The following PCDHGA5 variants were observed in gnomAD, a reference collection of about 807,000 sequenced individuals.
The protein encoded by PCDHGA5 is protocadherin gamma-A5.
PCDHGA5 carries 36 observed loss-of-function variants against 56.7 expected under a neutral mutation model. The ratio of observed to expected loss-of-function variants is 0.64; its 90% CI spans 0.49 to 0.84. PCDHGA5 has a LOEUF of 0.84. Among genes scored for constraint, PCDHGA5 ranks in the 40% least tolerant of loss-of-function variants. The pLI is 0.00. For missense variants in PCDHGA5, 1,305 were observed against 1,201.5 expected, an observed-to-expected ratio of 1.09 and a Z score of -1.27; for synonymous variants, 563 against 520.2, an observed-to-expected ratio of 1.08 and a Z score of -1.12.
chr5:141,434,449 G>C (rs1392115883), intron 1 of PCDHGA5, among the ~76,000 whole-genome samples: 1 of 152,232 alleles, frequency 6.6e-6, no homozygotes, highest in Non-Finnish European at 1.5e-5. Context: ...ATGCTGGAAG[G>C]TAGTGGGTTT....
At position 141,366,768 on chromosome 5, in the gene PCDHGA5, G is replaced by A. The variant is rs903318821; in HGVS notation, c.2421+17G>A. ...CGAGTTCAGGTTAGTTTTCTCTTTC[G>A]GTAAGGATGACCAGAACATTTTCAT... On this transcript the variant is annotated intron_variant, in intron 1 of 3. Transcript: ENST00000518069. 1.6e-5 allele frequency: 26 copies of A among 1,601,610 alleles called. No individual in the cohort carries two copies. The highest frequency in any genetic ancestry group is 2.0e-5 in the Non-Finnish European group (24 of 1,171,760).
chr5:141,382,110 G>A (rs1480214134), intron 1 of PCDHGA5, among the ~76,000 whole-genome samples: 1 of 151,982 alleles, frequency 6.6e-6, no homozygotes, highest in Non-Finnish European at 1.5e-5. Context: ...TTACAGGCGT[G>A]AGCAACAGCA....
At position 141,486,368 on chromosome 5, in the gene PCDHGA5, T is replaced by C. The variant is rs1217513529; in HGVS notation, c.2422-8439T>C. 6.2e-7 allele frequency: 1 copy of C among 1,614,014 alleles called. No homozygotes were observed. Among genetic ancestry groups the C allele is most frequent in the Non-Finnish European group, 8.5e-7 (1 of 1,180,000 alleles). On this transcript the variant is annotated intron_variant, in intron 1 of 3. Coordinates refer to ENST00000518069, the MANE Select transcript of PCDHGA5 (RefSeq NM_018918.3). This position sits in a 1 kb window ranked among gnomAD's most constrained non-coding sequence, Gnocchi z 5.0. ...TGACCACTTGCCATTTGCCCTCAAGTCTGCCTTCAGGAACCAGTTCTCCCT... is the reference window on the plus strand; with the variant it reads ...TGACCACTTGCCATTTGCCCTCAAGCCTGCCTTCAGGAACCAGTTCTCCCT...
At chr5:141,421,229 T>C (rs776952658) in intron 1 of PCDHGA5, 3 of 1,589,662 alleles carry the variant, frequency 1.9e-6, no homozygotes, top group South Asian at 1.1e-5. Flanking sequence ...GAGCCTGCCA[T>C]GGCGAATCGG....
At chr5:141,483,555 C>CAG (rs1415499107) in intron 1 of PCDHGA5, among the ~76,000 whole-genome samples, 2 of 152,152 alleles carry the variant, frequency 1.3e-5, no homozygotes, top group African/African-American at 4.8e-5. Flanking sequence ...GTGCCATTCA[C>CAG]AGAGACAGTG....
At chr5:141,465,318 A>G (rs1440554123) in intron 1 of PCDHGA5, among the ~76,000 whole-genome samples, 1 of 152,198 alleles carries the variant, frequency 6.6e-6, no homozygotes, top group Non-Finnish European at 1.5e-5. Flanking sequence ...AGCCATGTCA[A>G]TGCAGTATTT....
rs1482297743 is a variant in PCDHGA5 at position 141,403,937 on chromosome 5, G to A, written c.2421+37186G>A. 8 of 1,613,778 alleles carry A rather than the reference G, an allele frequency of 5.0e-6. No individual in the cohort carries two copies. The highest frequency in any genetic ancestry group is 6.8e-6 in the Non-Finnish European group (8 of 1,179,896). On this transcript the variant is annotated intron_variant, in intron 1 of 3. Transcript: ENST00000518069. ...AGCTGAAGATGGTGGGGGATTGAAA[G>A]GGTGGACAAAAGTGCTCATTTCGGT...
intron 1 of PCDHGA5, chr5:141,410,110 C>A (rs1361292941): frequency 6.2e-7 from 1 of 1,612,540 alleles, no homozygotes; most frequent in Admixed American, 1.7e-5. Flanking sequence ...GCGACAGGGA[C>A]GCAGCCCGCC....
Position 141,485,959 on chromosome 5 carries a change from C to A in PCDHGA5, c.2422-8848C>A, listed in dbSNP as rs758835557. The A allele has an allele frequency of 6.2e-7, 1 of 1,614,160 alleles. No homozygotes were observed. The highest frequency in any genetic ancestry group is 1.3e-5 in the African/African-American group (1 of 75,054). Reference sequence around the variant, plus strand: ...GCGCACCAGCGGGCATGGTGCTCATCCAGCTCAATGCCTCAGACCCGGACC... The same window carrying A: ...GCGCACCAGCGGGCATGGTGCTCATACAGCTCAATGCCTCAGACCCGGACC... On this transcript the variant is annotated intron_variant, in intron 1 of 3. Coordinates refer to ENST00000518069, the MANE Select transcript of PCDHGA5 (RefSeq NM_018918.3). The surrounding 1 kb of genome is among the most constrained non-coding windows in gnomAD (Gnocchi z 5.7).
At chr5:141,392,763 A>G in intron 1 of PCDHGA5, 4 of 1,480,256 alleles carry the variant, frequency 2.7e-6, no homozygotes, top group Non-Finnish European at 3.6e-6. Context: ...ACTAAATAAG[A>G]CCCATTTATG....
intron 1 of PCDHGA5, among the ~76,000 whole-genome samples, chr5:141,434,982 A>G (rs908716553): frequency 3.3e-5 from 5 of 152,084 alleles, no homozygotes; most frequent in East Asian, 1.9e-4. Flanking sequence ...TTAATACTCT[A>G]TATCATTTTC....
intron 1 of PCDHGA5, chr5:141,420,079 C>T (rs1362049053): frequency 6.2e-7 from 1 of 1,613,998 alleles, no homozygotes; most frequent in Non-Finnish European, 8.5e-7. Flanking sequence ...CTGTGGGTCC[C>T]CCCAACTACA....
At chr5:141,392,127 A>G (rs2092470129) in intron 1 of PCDHGA5, 1 of 152,236 alleles carries the variant, frequency 6.6e-6, no homozygotes, top group Admixed American at 6.5e-5. Flanking sequence ...AGCTTGTAAA[A>G]TGATTAAGTA....
At chr5:141,501,569 G>A (rs1401631416) in intron 2 of PCDHGA5, among the ~76,000 whole-genome samples, 3 of 151,998 alleles carry the variant, frequency 2.0e-5, no homozygotes, top group African/African-American at 7.2e-5. Flanking sequence ...AATCATATTA[G>A]GCTGGCTTTC....
intron 1 of PCDHGA5, among the ~76,000 whole-genome samples, chr5:141,455,549 C>G (rs911113181): frequency 1.3e-5 from 2 of 152,042 alleles, no homozygotes; most frequent in Non-Finnish European, 2.9e-5. Flanking sequence ...TCACGTAGCC[C>G]GAGAAAAAGC....
intron 1 of PCDHGA5, chr5:141,370,588 A>G (rs766682273): frequency 6.2e-7 from 1 of 1,613,944 alleles, no homozygotes; most frequent in Admixed American, 1.7e-5. Context: ...CCTACTAGGA[A>G]CCTGCGGGTT....
At chr5:141,385,170 C>T (rs1561606866) in intron 1 of PCDHGA5, 2 of 1,614,212 alleles carry the variant, frequency 1.2e-6, no homozygotes, top group Non-Finnish European at 1.7e-6. Flanking sequence ...CCCATGAGGT[C>T]TCCCTCACCG....
chr5:141,375,028 T>G (rs775365002), intron 1 of PCDHGA5: 2 of 1,613,924 alleles, frequency 1.2e-6, no homozygotes, highest in Admixed American at 1.7e-5. Flanking sequence ...CGAGTTTTTA[T>G]GAGCTGGGTG....
At position 141,365,469 on chromosome 5, in the gene PCDHGA5, G is replaced by A; in HGVS notation, c.1139G>A (p.Gly380Asp). 2 of 1,614,010 alleles carry A rather than the reference G, an allele frequency of 1.2e-6. No homozygotes were observed. Among genetic ancestry groups the A allele is most frequent in the Non-Finnish European group, 1.7e-6 (2 of 1,179,894 alleles). ...CATGATGGTGATTCTGGAGAAAATG[G>A]TGAGATTGCATGCTCTATTCCTAGG... ...SVHDGDSGENGEIACSIPRNL... is the reference protein window; with the variant it reads ...SVHDGDSGENDEIACSIPRNL... The change falls in exon 1 of 4, where the codon GGT becomes GAT. Residue 380 changes from glycine to aspartate, a missense_variant. Physicochemically the swap from Gly to Asp is moderately conservative, Grantham distance 94. Coordinates refer to ENST00000518069, the MANE Select transcript of PCDHGA5 (RefSeq NM_018918.3).
Sources: gnomAD v4.1 joint callset for allele counts (sites outside exome capture counted in the v4.1 genomes callset) on GRCh38, gnomAD v4.1.1 for gene constraint, Gnocchi (gnomAD v3.1) non-coding constraint, MANE v1.5 for transcripts, NCBI Gene and HGNC (gene_info 2026-07-23, HGNC 2026-07-21) for gene names.